Variants in FHIT observed in about 807,000 individuals in gnomAD.
FHIT encodes bis(5'-adenosyl)-triphosphatase.
In FHIT, 19 loss-of-function variants were observed where a neutral mutation model predicts 17.9. The observed-to-expected ratio is 1.06, with a 90% CI of 0.74 to 1.56. FHIT has a LOEUF of 1.56. FHIT is among the 40% of genes most tolerant of loss of function. FHIT has a pLI of 0.00. For missense variants in FHIT, 248 were observed against 189.2 expected, an observed-to-expected ratio of 1.31 and a Z score of -1.82; for synonymous variants, 81 against 69.7, an observed-to-expected ratio of 1.16 and a Z score of -0.81.
At chr3:60,275,604 C>G (rs1707090581) in intron 5 of FHIT, among the ~76,000 whole-genome samples, 3 of 152,110 alleles carry the variant, frequency 2.0e-5, no homozygotes, top group Non-Finnish European at 4.4e-5. Context: ...CCTGAGTTCA[C>G]AGATGTTGTC....
At chr3:61,057,857 C>A (rs1249351890) in intron 2 of FHIT, among the ~76,000 whole-genome samples, 1 of 152,142 alleles carries the variant, frequency 6.6e-6, no homozygotes, top group Admixed American at 6.5e-5. Context: ...TCTATGCCAA[C>A]AAATGTAAAC....
At chr3:60,454,140 G>A (rs1054405872) in intron 5 of FHIT, among the ~76,000 whole-genome samples, 1 of 152,006 alleles carries the variant, frequency 6.6e-6, no homozygotes, top group African/African-American at 2.4e-5. Context: ...TCTTGGTGTA[G>A]GAATACTCAT....
intron 3 of FHIT, among the ~76,000 whole-genome samples, chr3:60,858,469 C>T (rs572362274): frequency 8.9e-4 from 135 of 152,186 alleles, no homozygotes; most frequent in Admixed American, 6.5e-4. Flanking sequence ...TCCAGGAAAC[C>T]GCTGCACTTT....
At chr3:60,489,940 T>A (rs1228044078) in intron 5 of FHIT, among the ~76,000 whole-genome samples, 1 of 152,142 alleles carries the variant, frequency 6.6e-6, no homozygotes, top group Non-Finnish European at 1.5e-5. Flanking sequence ...TGTTATAAAC[T>A]GTACCTCAGT....
At chr3:61,183,050 A>C (rs1377714997) in intron 2 of FHIT, among the ~76,000 whole-genome samples, 1 of 152,234 alleles carries the variant, frequency 6.6e-6, no homozygotes, top group Non-Finnish European at 1.5e-5. Context: ...AGATTTCTGG[A>C]ATACTAACTG....
At chr3:60,004,785 T>C (rs1699859235) in intron 7 of FHIT, among the ~76,000 whole-genome samples, 1 of 152,288 alleles carries the variant, frequency 6.6e-6, no homozygotes, top group Non-Finnish European at 1.5e-5. Flanking sequence ...TTTCCCTAAG[T>C]GTAAAATATT....
At chr3:60,632,928 G>T (rs1346531492) in intron 4 of FHIT, among the ~76,000 whole-genome samples, 1 of 152,148 alleles carries the variant, frequency 6.6e-6, no homozygotes, top group African/African-American at 2.4e-5. Context: ...TATCAATAAT[G>T]CAGAATCTTG....
intron 2 of FHIT, among the ~76,000 whole-genome samples, chr3:61,043,023 T>A (rs2033597904): frequency 6.6e-6 from 1 of 152,146 alleles, no homozygotes; most frequent in Non-Finnish European, 1.5e-5. Flanking sequence ...AACTCCTGTC[T>A]ACAGCTCCCA....
intron 5 of FHIT, among the ~76,000 whole-genome samples, chr3:60,137,645 T>C (rs967017118): frequency 1.3e-5 from 2 of 152,096 alleles, no homozygotes; most frequent in African/African-American, 2.4e-5. Flanking sequence ...TAGGCAACAA[T>C]ACCTGAAACT....
At chr3:59,932,082 T>A (rs1259830192) in intron 7 of FHIT, among the ~76,000 whole-genome samples, 2 of 152,120 alleles carry the variant, frequency 1.3e-5, no homozygotes, top group African/African-American at 4.8e-5. Context: ...AAGGTGGAAA[T>A]CATTGGCAAG....
At chr3:60,196,494 C>G (rs779909177) in intron 5 of FHIT, among the ~76,000 whole-genome samples, 7 of 152,096 alleles carry the variant, frequency 4.6e-5, no homozygotes, top group Non-Finnish European at 7.4e-5. Context: ...GATAATCCCC[C>G]TATCCCAAAA....
chr3:59,786,296 A>G (rs577755373), intron 8 of FHIT, among the ~76,000 whole-genome samples: 3 of 152,048 alleles, frequency 2.0e-5, no homozygotes, highest in African/African-American at 7.2e-5. Flanking sequence ...TCAGAATTTG[A>G]CCCCCACTGG....
At position 60,139,816 on chromosome 3, in the gene FHIT, T is replaced by G. The variant is rs556312708; in HGVS notation, c.104-125664A>C. The stretch of plus-strand genomic sequence containing the variant: ...CTCTCTTTACCTTAAGTACCTTTCA[T>G]TATTAAAAAAAAAAAATGGTTAACT... On this transcript the variant is annotated intron_variant, in intron 5 of 9. Coordinates refer to ENST00000492590, the MANE Select transcript of FHIT (RefSeq NM_002012.4). Among the ~76,000 whole-genome samples the G allele has an allele frequency of 1.5e-3, 144 of 97,598 alleles. 6 individuals carry two copies. The highest frequency in any genetic ancestry group is 2.0e-3 in the African/African-American group (28 of 14,330). The allele number at this position is 97,598 out of a possible 152,430, so 64.0% of individuals were successfully genotyped here.
intron 3 of FHIT, among the ~76,000 whole-genome samples, chr3:60,826,152 T>TGGAAGGAAGGAAGGAA (rs201232384): frequency 2.3e-5 from 3 of 128,254 alleles, no homozygotes; most frequent in African/African-American, 6.0e-5. Context: ...GATGAATGGA[T>TGGAAGGAAGGAAGGAA]GGAAGGAAGG....
chr3:60,686,096 C>T (rs958845333), intron 4 of FHIT, among the ~76,000 whole-genome samples: 4 of 152,026 alleles, frequency 2.6e-5, no homozygotes, highest in South Asian at 2.1e-4. Flanking sequence ...ATATGGACTT[C>T]GGGATTGGAT....
intron 2 of FHIT, among the ~76,000 whole-genome samples, chr3:61,171,061 T>C (rs1312773702): frequency 6.6e-6 from 1 of 152,204 alleles, no homozygotes; most frequent in African/African-American, 2.4e-5. Context: ...TAATTTACAC[T>C]CCCACCAAAG....
chr3:60,430,675 T>C (rs114608388), intron 5 of FHIT, among the ~76,000 whole-genome samples: 2,745 of 152,242 alleles, frequency 0.018, 94 homozygotes, highest in African/African-American at 0.061. Flanking sequence ...ATGTCTGTTT[T>C]CTGCACTTAT....
At chr3:61,167,419 T>C (rs1256859179) in intron 2 of FHIT, among the ~76,000 whole-genome samples, 1 of 151,162 alleles carries the variant, frequency 6.6e-6, no homozygotes, top group African/African-American at 2.4e-5. Flanking sequence ...GGCAGATCAA[T>C]TGAGGTCAGG....
chr3:60,527,173 A>G (rs2035607231), intron 5 of FHIT, among the ~76,000 whole-genome samples: 1 of 152,216 alleles, frequency 6.6e-6, no homozygotes, highest in African/African-American at 2.4e-5. Flanking sequence ...TACTGCAGAT[A>G]TGACTCCCTG....
Sources: gnomAD v4.1 joint callset for allele counts (sites outside exome capture counted in the v4.1 genomes callset) on GRCh38, gnomAD v4.1.1 for gene constraint, MANE v1.5 for transcripts, NCBI Gene and HGNC (gene_info 2026-07-23, HGNC 2026-07-21) for gene names.